GBF1: variants seen among roughly 807,000 people sequenced by gnomAD.
The protein encoded by GBF1 is Golgi-specific brefeldin A-resistance guanine nucleotide exchange factor 1.
Under a neutral mutation model 210.5 loss-of-function variants are expected in GBF1, and 114 were observed. The observed-to-expected ratio is 0.54, with a 90% CI of 0.47 to 0.63. The LOEUF (loss-of-function observed/expected upper bound fraction) is 0.63, where lower values mean the gene tolerates loss of function less well. Ranked by LOEUF, GBF1 falls within the 30% of genes least tolerant of loss-of-function variation. The pLI is 0.00. For synonymous variants in GBF1, 850 were observed against 889.2 expected, an observed-to-expected ratio of 0.96 and a Z score of 0.78; for missense variants, 1,851 against 2,357.7, an observed-to-expected ratio of 0.79 and a Z score of 4.45.
Position 102,376,359 on chromosome 10 carries a change from C to A in GBF1, c.3974C>A (p.Thr1325Asn), listed in dbSNP as rs752261751. Reference protein sequence around the residue: ...RGYTSDSEVYTDHGRPGKIHR... With the variant: ...RGYTSDSEVYNDHGRPGKIHR... ...TACACTTCCGACTCAGAGGTCTACA[C>A]TGACCATGGCAGGCCGGGCAAGATA... The change falls in exon 31 of 40, where the codon ACT becomes AAT. Residue 1325 changes from threonine (T) to asparagine (N), a missense_variant. Thr to Asn is a moderately conservative substitution (Grantham distance 65). Around this residue, in one of 3 missense-constraint regions of GBF1, gnomAD observed 967 missense variants for 1,247.7 expected, o/e 0.78. Coordinates refer to ENST00000369983, the MANE Select transcript of GBF1 (RefSeq NM_001377137.1). 6 of 1,614,014 alleles carry A rather than the reference C, an allele frequency of 3.7e-6. No individual in the cohort carries two copies. The South Asian group carries it at 6.6e-5, about 18-fold the overall frequency.
intron 8 of GBF1, 124 bp downstream of exon 8, chr10:102,353,778 A>G: frequency 1.4e-6 from 1 of 691,498 alleles, no homozygotes; most frequent in Non-Finnish European, 2.6e-6. Context: ...TGGAATCTAG[A>G]AGTAGCTCTC....
chr10:102,271,636 C>T lies in GBF1; in HGVS notation c.163+11520C>T, dbSNP rs768978859. Among the ~76,000 whole-genome samples, 6 of 151,590 alleles carry T rather than the reference C, an allele frequency of 4.0e-5. No individual in the cohort carries two copies. In the South Asian group the frequency reaches 8.3e-4, roughly 21 times the overall value. On this transcript the variant is annotated intron_variant, in intron 3 of 39. Transcript: ENST00000369983. Reference sequence around the variant, plus strand: ...TATCATTTAACTTGTTCCTCTTTCCCGTATGTTATGTACTAAAAGGATTAA... The same window carrying T: ...TATCATTTAACTTGTTCCTCTTTCCTGTATGTTATGTACTAAAAGGATTAA...
chr10:102,284,924 G>C (rs1217337802), intron 3 of GBF1, among the ~76,000 whole-genome samples: 1 of 151,900 alleles, frequency 6.6e-6, no homozygotes, highest in Non-Finnish European at 1.5e-5. Context: ...ACCAACACTT[G>C]TTATTTGTGT....
At chr10:102,232,298 T>C in the GBF1 span, among the ~76,000 whole-genome samples, 1 of 152,190 alleles carries the variant, frequency 6.6e-6, no homozygotes, top group African/African-American at 2.4e-5. Context: ...TCTGCATAGA[T>C]ATATAAACTA....
At position 102,376,949 on chromosome 10, in the gene GBF1, G is replaced by A; in HGVS notation, c.4303G>A (p.Glu1435Lys). 1 of 1,614,148 alleles carries A rather than the reference G, an allele frequency of 6.2e-7. No homozygotes were observed. Among genetic ancestry groups the A allele is most frequent in the Non-Finnish European group, 8.5e-7 (1 of 1,180,010 alleles). ...GCTCTGCTCAGGATGCAAGTCCCAG[G>A]AGAAACGTGGCAAGAGTCACAAATA... ...ASLNGGCKSQ[E>K]KRGKSHKYDS... The change falls in exon 33 of 40, where the codon GAG (glutamate) becomes AAG (lysine). Residue 1435 changes from glutamate to lysine, a missense_variant. Glu to Lys is a moderately conservative substitution (Grantham distance 56). Around this residue, in one of 3 missense-constraint regions of GBF1, gnomAD observed 967 missense variants for 1,247.7 expected, o/e 0.78. Transcript: ENST00000369983.
chr10:102,238,470 C>T, the GBF1 span, among the ~76,000 whole-genome samples: 3 of 152,154 alleles, frequency 2.0e-5, no homozygotes, highest in East Asian at 1.9e-4. Context: ...TCTCAGACAG[C>T]GGCAGGGGTA....
chr10:102,305,936 A>T (rs1162824318), intron 3 of GBF1, among the ~76,000 whole-genome samples: 1 of 152,196 alleles, frequency 6.6e-6, no homozygotes, highest in African/African-American at 2.4e-5. Flanking sequence ...AATGATGGAA[A>T]TAGGATGATA....
chr10:102,284,974 G>T (rs946643026), intron 3 of GBF1, among the ~76,000 whole-genome samples: 3 of 152,026 alleles, frequency 2.0e-5, no homozygotes, highest in Admixed American at 2.0e-4. Context: ...TTTGAGACTG[G>T]ATAGGACTTT....
chr10:102,339,867 G>A (rs2058050940), intron 3 of GBF1, among the ~76,000 whole-genome samples: 1 of 151,532 alleles, frequency 6.6e-6, no homozygotes, highest in South Asian at 2.1e-4. Context: ...GTTCACTGCA[G>A]CCTCAGCCTC....
chr10:102,335,504 T>G lies in GBF1; in HGVS notation c.164-8547T>G, dbSNP rs868782890. ...TCTGGAGAAGATCCAGACAATTGAA[T>G]CTCAGTTCCCAGCCAGGCTGAACCG... On this transcript the variant is annotated intron_variant, in intron 3 of 39. Transcript: ENST00000369983. 1.2e-4 allele frequency among the ~76,000 whole-genome samples: 19 copies of G among 152,334 alleles called. No individual in the cohort carries two copies. In the Middle Eastern group the frequency reaches 0.01, roughly 82 times the overall value.
intron 3 of GBF1, among the ~76,000 whole-genome samples, chr10:102,308,598 C>A (rs1216079556): frequency 6.6e-6 from 1 of 151,844 alleles, no homozygotes; most frequent in Admixed American, 6.6e-5. Context: ...AATTGGAAAT[C>A]ATCATTCTCA....
intron 3 of GBF1, among the ~76,000 whole-genome samples, chr10:102,322,328 C>T (rs2056477214): frequency 6.6e-6 from 1 of 152,128 alleles, no homozygotes. Context: ...TATATTTGGC[C>T]TCCCTAACCA....
intron 3 of GBF1, among the ~76,000 whole-genome samples, chr10:102,322,549 AAT>A (rs2056496250): frequency 6.6e-6 from 1 of 152,014 alleles, no homozygotes; most frequent in Admixed American, 6.6e-5. Flanking sequence ...TTATTCCTAC[AAT>A]ACAGTTTACA....
At chr10:102,260,854 A>G (rs1194816301) in intron 3 of GBF1, among the ~76,000 whole-genome samples, 1 of 152,066 alleles carries the variant, frequency 6.6e-6, no homozygotes, top group South Asian at 2.1e-4. Flanking sequence ...GGTTTATTGC[A>G]TTGGTTTCAG....
intron 23 of GBF1, 66 bp downstream of exon 23, chr10:102,368,898 T>A: frequency 9.0e-7 from 1 of 1,109,472 alleles, no homozygotes; most frequent in Non-Finnish European, 1.4e-6. Context: ...GCCATGGATC[T>A]ACCCTTATCA....
rs1471077561 is a variant in GBF1 at position 102,377,053 on chromosome 10, T to C, written c.4407T>C (p.His1469=). 3.1e-6 allele frequency: 5 copies of C among 1,614,154 alleles called. No individual in the cohort carries two copies. Among genetic ancestry groups the C allele is most frequent in the Non-Finnish European group, 4.2e-6 (5 of 1,180,012 alleles). ...GCCGGCCTCGAACCTCCAGCCAACA[T>C]GCCTCTCGGGGCGGGCAGAGTGATG... ...MLRRPRTSSQ[H]ASRGGQSDDD... Residue 1469 remains histidine, a synonymous_variant, in exon 33 of 40, where the codon CAT becomes CAC. Transcript: ENST00000369983.
chr10:102,320,431 A>G (rs2056293483), intron 3 of GBF1, among the ~76,000 whole-genome samples: 1 of 152,158 alleles, frequency 6.6e-6, no homozygotes, highest in Non-Finnish European at 1.5e-5. Context: ...GCAAAATTAT[A>G]TCATTTGATT....
intron 3 of GBF1, among the ~76,000 whole-genome samples, chr10:102,274,901 A>C (rs1051634315): frequency 6.6e-6 from 1 of 151,490 alleles, no homozygotes; most frequent in Admixed American, 6.6e-5. Flanking sequence ...TAGTAGTGAC[A>C]GGGTTTCACC....
the GBF1 span, among the ~76,000 whole-genome samples, chr10:102,237,808 A>G: frequency 3.3e-5 from 5 of 152,064 alleles, no homozygotes; most frequent in African/African-American, 4.8e-5. Context: ...TCTTCAAGTG[A>G]TATCACCACA....
Sources: allele counts gnomAD v4.1 joint callset (sites outside exome capture counted in the v4.1 genomes callset), GRCh38; gene constraint gnomAD v4.1.1; regional missense constraint gnomAD v4.1.1; transcripts MANE v1.5; gene names NCBI Gene and HGNC (gene_info 2026-07-23, HGNC 2026-07-21).